Variants in TLL1 observed in about 807,000 individuals in gnomAD.
TLL1 encodes the protein tolloid like 1.
In TLL1, 49 loss-of-function variants were observed where a neutral mutation model predicts 128.2. The observed-to-expected ratio is 0.38, with a 90% CI of 0.30 to 0.48. The LOEUF (loss-of-function observed/expected upper bound fraction) is 0.48, where lower values mean the gene tolerates loss of function less well. Among genes scored for constraint, TLL1 ranks in the 20% least tolerant of loss-of-function variants. The pLI, the probability that TLL1 is intolerant of heterozygous loss-of-function variation, is 0.96. For missense variants in TLL1, 1,123 were observed against 1,242.0 expected (o/e 0.90, Z 1.44); for synonymous variants, 454 against 418.8 (o/e 1.08, Z -1.03).
chr4:165,950,901 G>A (rs1342926327), intron 1 of TLL1, among the ~76,000 whole-genome samples: 2 of 151,934 alleles, frequency 1.3e-5, no homozygotes. Context: ...AAATCATAAA[G>A]ATCAAAGCAA....
chr4:165,999,252 A>C (rs1240818981), intron 5 of TLL1, among the ~76,000 whole-genome samples: 1 of 152,162 alleles, frequency 6.6e-6, no homozygotes, highest in African/African-American at 2.4e-5. Context: ...AATTTTTTGT[A>C]TTAGTCTGTT....
Position 166,043,412 on chromosome 4 carries a change from C to A in TLL1, c.1517C>A (p.Ser506Tyr). ...TACCACGTCGGGCTGACCTTTCAGTCCTTTGAGGTAAAGTCTTTTAGGCTA... is the reference window on the plus strand; with the variant it reads ...TACCACGTCGGGCTGACCTTTCAGTACTTTGAGGTAAAGTCTTTTAGGCTA... ...ESYHVGLTFQSFEIERHDNCA... is the reference protein window; with the variant it reads ...ESYHVGLTFQYFEIERHDNCA... Residue 506 changes from serine to tyrosine, a missense_variant, in exon 12 of 21, where the codon TCC becomes TAC. Physicochemically the swap from Ser to Tyr is moderately radical, Grantham distance 144. Around this residue, in one of 3 missense-constraint regions of TLL1, gnomAD observed 634 missense variants for 672.4 expected, o/e 0.94. Coordinates refer to ENST00000061240, the MANE Select transcript of TLL1 (RefSeq NM_012464.5). 1 of 1,614,058 alleles carries A rather than the reference C, an allele frequency of 6.2e-7. No individual in the cohort carries two copies. Among genetic ancestry groups the A allele is most frequent in the South Asian group, 1.1e-5 (1 of 91,076 alleles).
intron 1 of TLL1, among the ~76,000 whole-genome samples, chr4:165,879,273 G>A (rs540144241): frequency 1.3e-5 from 2 of 152,062 alleles, no homozygotes; most frequent in Non-Finnish European, 2.9e-5. Context: ...CCTAATATAA[G>A]CCATGTATGG....
intron 1 of TLL1, among the ~76,000 whole-genome samples, chr4:165,935,262 A>T (rs1733709732): frequency 6.6e-6 from 1 of 152,200 alleles, no homozygotes; most frequent in South Asian, 2.1e-4. Context: ...ATCATGCTAG[A>T]AATACCTCTG....
intron 1 of TLL1, among the ~76,000 whole-genome samples, chr4:165,890,599 C>A (rs1388448136): frequency 6.6e-6 from 1 of 152,216 alleles, no homozygotes; most frequent in Non-Finnish European, 1.5e-5. Flanking sequence ...CTGAAATGAT[C>A]TCCTTTGACT....
intron 12 of TLL1, 107 bp from the exon 13 acceptor site, chr4:166,054,969 C>T (rs1325258219): frequency 1.1e-6 from 1 of 892,326 alleles, no homozygotes; most frequent in African/African-American, 1.7e-5. Flanking sequence ...ATACAAATAA[C>T]TTTTATATTA....
At chr4:165,896,233 T>C (rs1259150456) in intron 1 of TLL1, among the ~76,000 whole-genome samples, 1 of 152,178 alleles carries the variant, frequency 6.6e-6, no homozygotes, top group Non-Finnish European at 1.5e-5. Flanking sequence ...GTTTCCAGCT[T>C]CATCCATGTC....
intron 1 of TLL1, among the ~76,000 whole-genome samples, chr4:165,920,381 C>T (rs1421280528): frequency 6.6e-6 from 1 of 152,118 alleles, no homozygotes; most frequent in African/African-American, 2.4e-5. Context: ...TGTTGTTGAG[C>T]ATTGTTGGTT....
At position 166,043,442 on chromosome 4, in the gene TLL1, C is replaced by T. The variant is rs548572082; in HGVS notation, c.1524+23C>T. On this transcript the variant is annotated intron_variant, in intron 12 of 20. Transcript: ENST00000061240. ...GAGGTAAAGTCTTTTAGGCTATCTT[C>T]CTGGCAAATATTCTCCATAAACGAC... 12 of 1,613,930 alleles carry T rather than the reference C, an allele frequency of 7.4e-6. No individual in the cohort carries two copies. In the South Asian group the frequency reaches 1.2e-4, roughly 16 times the overall value.
intron 8 of TLL1, among the ~76,000 whole-genome samples, chr4:166,024,403 G>A (rs1418760125): frequency 1.3e-5 from 2 of 152,140 alleles, no homozygotes; most frequent in African/African-American, 2.4e-5. Flanking sequence ...TGATTGCAGT[G>A]TCCTTCAGAG....
At chr4:166,049,905 CT>C (rs1420812908) in intron 12 of TLL1, among the ~76,000 whole-genome samples, 1 of 151,964 alleles carries the variant, frequency 6.6e-6, no homozygotes, top group Non-Finnish European at 1.5e-5. Context: ...GCATAAACAG[CT>C]TTAACATTGC....
rs116202235 is a variant in TLL1, at chr4:165,950,926, C to T, written c.170-38455C>T. On this transcript the variant is annotated intron_variant, in intron 1 of 20. Coordinates refer to ENST00000061240, the MANE Select transcript of TLL1 (RefSeq NM_012464.5). ...GATCAAAGCAAAAGTCATTTAAGCT[C>T]GAAAGAGACAGACATTAGAGAAAAA... is the stretch of plus-strand genomic sequence containing the variant. Among the ~76,000 whole-genome samples, 731 of 152,036 alleles carry T rather than the reference C, an allele frequency of 4.8e-3. 4 individuals are homozygous for T. The highest frequency in any genetic ancestry group is 0.017 in the African/African-American group (702 of 41,484).
intron 5 of TLL1, among the ~76,000 whole-genome samples, chr4:165,996,309 T>A (rs1347825094): frequency 2.0e-5 from 3 of 152,120 alleles, no homozygotes; most frequent in Non-Finnish European, 4.4e-5. Flanking sequence ...GTACTGACAA[T>A]TTAAACATCA....
chr4:165,941,453 G>A (rs72972218), intron 1 of TLL1, among the ~76,000 whole-genome samples: 5,441 of 152,162 alleles, frequency 0.036, 285 homozygotes, highest in African/African-American at 0.12. Context: ...AAAAGTGCAA[G>A]CCATTAGAGC....
intron 17 of TLL1, 132 bp from the exon 18 acceptor site, chr4:166,077,771 G>T: frequency 1.7e-6 from 2 of 1,203,538 alleles, no homozygotes; most frequent in South Asian, 2.5e-5. Context: ...TATAATAACC[G>T]ACACGGGAGT....
chr4:166,072,897 C>A (rs1740855543), intron 16 of TLL1, among the ~76,000 whole-genome samples: 1 of 152,018 alleles, frequency 6.6e-6, no homozygotes, highest in African/African-American at 2.4e-5. Flanking sequence ...TAGTCAATTG[C>A]AAATGTGAAC....
intron 19 of TLL1, among the ~76,000 whole-genome samples, chr4:166,095,023 A>G (rs758982200): frequency 6.6e-6 from 1 of 152,158 alleles, no homozygotes; most frequent in Non-Finnish European, 1.5e-5. Flanking sequence ...CCAGTACCGT[A>G]TCTGTCAGCA....
At chr4:165,940,084 T>G (rs1320535160) in intron 1 of TLL1, among the ~76,000 whole-genome samples, 2 of 152,072 alleles carry the variant, frequency 1.3e-5, no homozygotes, top group African/African-American at 4.8e-5. Context: ...TTTTCATCAG[T>G]GATCACTTTT....
rs758431533 is a variant in TLL1, at chr4:166,039,298, A to C, written c.1159-41A>C. Reference sequence around the variant, plus strand: ...GAATCAAATCACTATATGTAGATACAATCATTTTTACTCTGTGGGTTGCTT... The same window carrying C: ...GAATCAAATCACTATATGTAGATACCATCATTTTTACTCTGTGGGTTGCTT... On this transcript the variant is annotated intron_variant, in intron 9 of 20. Transcript: ENST00000061240. 2.1e-6 allele frequency: 3 copies of C among 1,407,484 alleles called. No homozygotes were observed. The South Asian group carries it at 3.5e-5, about 16-fold the overall frequency. The allele number at this position is 1,407,484 out of a possible 1,614,324, so 87.2% of individuals were successfully genotyped here. A position where few individuals can be genotyped will look rare whatever the true frequency, so the allele number is the denominator to read the frequency against.
Sources: gnomAD v4.1 joint callset for allele counts (sites outside exome capture counted in the v4.1 genomes callset) on GRCh38, gnomAD v4.1.1 for gene constraint, gnomAD v4.1.1 regional missense constraint, MANE v1.5 for transcripts, NCBI Gene and HGNC (gene_info 2026-07-23, HGNC 2026-07-21) for gene names.